Variants in MAD1L1 observed in about 807,000 individuals in gnomAD.
MAD1L1 encodes mitotic arrest deficient 1 like 1.
In MAD1L1, 95 loss-of-function variants were observed where a neutral mutation model predicts 96.9. The observed-to-expected ratio is 0.98, with a 90% CI of 0.83 to 1.16. The LOEUF (loss-of-function observed/expected upper bound fraction) is 1.16, where lower values mean the gene tolerates loss of function less well. MAD1L1 is among the 50% of genes most tolerant of loss of function. MAD1L1 has a pLI of 0.00. For synonymous variants in MAD1L1, 473 were observed against 396.6 expected (o/e 1.19, Z -2.29); for missense variants, 1,007 against 954.4 (o/e 1.06, Z -0.73).
chr7:1,929,128 G>T (rs1233818259), intron 17 of MAD1L1, among the ~76,000 whole-genome samples: 1 of 152,064 alleles, frequency 6.6e-6, no homozygotes, highest in South Asian at 2.1e-4. Context: ...GAGCAACTCT[G>T]TGGCCAACCA....
At chr7:1,866,665 G>C (rs1292958428) in intron 18 of MAD1L1, among the ~76,000 whole-genome samples, 3 of 152,222 alleles carry the variant, frequency 2.0e-5, no homozygotes, top group African/African-American at 4.8e-5. Flanking sequence ...GCCAGCCCCA[G>C]AGCAGTCCTG....
intron 14 of MAD1L1, chr7:1,980,843 G>A (rs1164088304): frequency 3.9e-6 from 2 of 508,382 alleles, no homozygotes; most frequent in Non-Finnish European, 3.8e-6. Flanking sequence ...CGCAGCTGGG[G>A]AGAGAGCACG....
chr7:2,124,153 C>T (rs1788117160), intron 11 of MAD1L1, among the ~76,000 whole-genome samples: 1 of 152,230 alleles, frequency 6.6e-6, no homozygotes, highest in Admixed American at 6.5e-5. Context: ...GGCCACGCCA[C>T]GCCCCTGCTC....
chr7:2,098,897 G>A (rs1407362140), intron 11 of MAD1L1, among the ~76,000 whole-genome samples: 3 of 152,232 alleles, frequency 2.0e-5, no homozygotes, highest in Admixed American at 6.5e-5. Flanking sequence ...CAGAAAAGAC[G>A]CTACTCGAAC....
chr7:1,850,777 G>T (rs750750661), intron 18 of MAD1L1, among the ~76,000 whole-genome samples: 1 of 152,206 alleles, frequency 6.6e-6, no homozygotes, highest in African/African-American at 2.4e-5. Flanking sequence ...AGCAGTGATT[G>T]CGACAACAGC....
intron 18 of MAD1L1, among the ~76,000 whole-genome samples, chr7:1,878,898 A>G (rs1424730573): frequency 6.6e-6 from 1 of 152,176 alleles, no homozygotes; most frequent in Admixed American, 6.5e-5. Flanking sequence ...AACTACAAAA[A>G]CTTTCTAGAA....
At chr7:2,097,547 G>T (rs990829945) in intron 11 of MAD1L1, among the ~76,000 whole-genome samples, 1 of 152,210 alleles carries the variant, frequency 6.6e-6, no homozygotes, top group Admixed American at 6.5e-5. Context: ...CAAGCTGGGA[G>T]CCAGGCAGTG....
At position 2,230,009 on chromosome 7, in the gene MAD1L1, T is replaced by C. The variant is rs772671383; in HGVS notation, c.125A>G (p.Gln42Arg). 5 of 1,613,308 alleles carry C rather than the reference T, an allele frequency of 3.1e-6. No homozygotes were observed. The East Asian group carries it at 1.1e-4, about 36-fold the overall frequency. Residue 42 changes from glutamine (Q) to arginine (R), a missense_variant, in exon 3 of 19, where the codon CAG becomes CGG. By Grantham distance (43) the Gln-to-Arg change is conservative. Coordinates refer to ENST00000265854, the MANE Select transcript of MAD1L1 (RefSeq NM_001013836.2). Reference protein sequence around the residue: ...DISTSAPGSLQMQYQQSMQLE... With the variant: ...DISTSAPGSLRMQYQQSMQLE... ...CTGCATGCTCTGCTGGTACTGCATC[T>C]GCAGAGAACCTGGGGCCGAGGTAGA... is the stretch of plus-strand genomic sequence containing the variant.
chr7:1,866,055 A>T (rs1784763658), intron 18 of MAD1L1, among the ~76,000 whole-genome samples: 1 of 152,250 alleles, frequency 6.6e-6, no homozygotes, highest in Non-Finnish European at 1.5e-5. Context: ...CTCTTGGGAT[A>T]GCCAGGGATG....
Position 2,221,188 on chromosome 7 carries a change from T to C in MAD1L1, c.471+1387A>G, listed in dbSNP as rs538106966. Among the ~76,000 whole-genome samples the C allele has an allele frequency of 4.0e-5, 6 of 151,814 alleles. No homozygotes were observed. The South Asian group carries it at 1.3e-3, about 32-fold the overall frequency. On this transcript the variant is annotated intron_variant, in intron 5 of 18. Transcript: ENST00000265854. ...GGGCACCGCCCTGCGGCTCCTGCAGTCTCCTGCTCCTCTGCCCCTCATGAA... is the reference window on the plus strand; with the variant it reads ...GGGCACCGCCCTGCGGCTCCTGCAGCCTCCTGCTCCTCTGCCCCTCATGAA...
chr7:2,199,993 C>T (rs1045112756), intron 10 of MAD1L1, among the ~76,000 whole-genome samples: 27 of 152,230 alleles, frequency 1.8e-4, no homozygotes, highest in African/African-American at 6.3e-4. Context: ...AAGCCACACT[C>T]ACAAAGGCCC....
At chr7:2,091,775 CA>C (rs35981269) in intron 11 of MAD1L1, among the ~76,000 whole-genome samples, 2,015 of 125,218 alleles carry the variant, frequency 0.016, 30 homozygotes, top group African/African-American at 0.045. Context: ...GACTCCATCT[CA>C]AAAAAAAAAA....
rs1193483142 is a variant in MAD1L1 at position 1,949,391 on chromosome 7, T to A, written c.1596+8238A>T. On this transcript the variant is annotated intron_variant, in intron 16 of 18. Coordinates refer to ENST00000265854, the MANE Select transcript of MAD1L1 (RefSeq NM_001013836.2). ...ACGTGGATCTCCTCCCTCTGCCACATGCGCCCGGCTCTGAGTCCCTCTTGA... is the reference window on the plus strand; with the variant it reads ...ACGTGGATCTCCTCCCTCTGCCACAAGCGCCCGGCTCTGAGTCCCTCTTGA... Among the ~76,000 whole-genome samples the A allele has an allele frequency of 2.6e-5, 4 of 152,182 alleles. 1 individual carries two copies. Among genetic ancestry groups the A allele is most frequent in the African/African-American group, 9.7e-5 (4 of 41,450 alleles).
intron 18 of MAD1L1, among the ~76,000 whole-genome samples, chr7:1,850,530 G>A (rs568833601): frequency 4.0e-4 from 61 of 152,320 alleles, no homozygotes; most frequent in Non-Finnish European, 7.1e-4. Context: ...CAGGGCCTGG[G>A]CAGATGATCT....
chr7:1,955,379 C>T (rs1418685126), intron 16 of MAD1L1, among the ~76,000 whole-genome samples: 1 of 152,170 alleles, frequency 6.6e-6, no homozygotes, highest in African/African-American at 2.4e-5. Flanking sequence ...CAATCTCTGC[C>T]TCCTGGGTTC....
chr7:1,971,616 A>AGTGTAAT (rs1348068672), intron 15 of MAD1L1, among the ~76,000 whole-genome samples: 2 of 152,194 alleles, frequency 1.3e-5, no homozygotes, highest in Non-Finnish European at 2.9e-5. Context: ...CGTGCACTTA[A>AGTGTAAT]GTGTAATCTC....
chr7:1,899,548 G>A (rs1188460917), intron 17 of MAD1L1, among the ~76,000 whole-genome samples: 1 of 152,234 alleles, frequency 6.6e-6, no homozygotes, highest in Non-Finnish European at 1.5e-5. Flanking sequence ...CTGAGAAAGA[G>A]GATGTTAAAG....
chr7:1,827,407 G>A (rs1277645599), intron 18 of MAD1L1, among the ~76,000 whole-genome samples: 7 of 151,026 alleles, frequency 4.6e-5, no homozygotes, highest in Admixed American at 1.3e-4. Context: ...CCGCCCAGGT[G>A]TGGGGTCCTC....
At chr7:1,937,593 G>A (rs932017951) in intron 16 of MAD1L1, among the ~76,000 whole-genome samples, 2 of 151,456 alleles carry the variant, frequency 1.3e-5, no homozygotes, top group Non-Finnish European at 2.9e-5. Context: ...CCCACAGCAG[G>A]GAACAGCCGC....
Sources: allele counts gnomAD v4.1 joint callset (sites outside exome capture counted in the v4.1 genomes callset), GRCh38; gene constraint gnomAD v4.1.1; transcripts MANE v1.5; gene names NCBI Gene and HGNC (gene_info 2026-07-23, HGNC 2026-07-21).